Variants in AQP10 observed in about 807,000 individuals in gnomAD.
AQP10 encodes the protein aquaporin-10.
Under a neutral mutation model 21.0 loss-of-function variants are expected in AQP10, and 15 were observed. That is an observed-to-expected ratio of 0.71 (90% confidence interval 0.48 to 1.10). The LOEUF is 1.10. Among genes scored for constraint, AQP10 ranks in the 50% least tolerant of loss-of-function variants. The pLI is 0.00. For missense variants in AQP10, 268 were observed against 379.5 expected (o/e 0.71, Z 2.44); for synonymous variants, 143 against 155.7 (o/e 0.92, Z 0.61).
Position 154,323,470 on chromosome 1 carries a change from C to T in AQP10, c.489+111C>T. 1 of 1,484,616 alleles carries T rather than the reference C, an allele frequency of 6.7e-7. No homozygotes were observed. The highest frequency in any genetic ancestry group is 9.3e-7 in the Non-Finnish European group (1 of 1,080,366). The allele number at this position is 1,484,616 out of a possible 1,614,324, so 92.0% of individuals were successfully genotyped here. ...TGGGTTGGGTCTATCTTGGCACTCC[C>T]CACCATCCCCAACTGCCTGTGTTGC... On this transcript the variant is annotated intron_variant, in intron 4 of 5. Transcript: ENST00000324978. The surrounding 1 kb of genome is among the most constrained non-coding windows in gnomAD (Gnocchi z 4.5).
chr1:154,324,220 C>T (rs1348163209), intron 5 of AQP10, 62 bp from the exon 6 acceptor site: 19 of 1,453,674 alleles, frequency 1.3e-5, no homozygotes, highest in Admixed American at 2.3e-5. Flanking sequence ...GCCCCCCGTC[C>T]TTGGAGAGGG....
In AQP10 at chr1:154,323,753, C is replaced by T. The variant is rs1473197618; in HGVS notation, c.654C>T (p.Asp218=). 1 of 1,614,188 alleles carries T rather than the reference C, an allele frequency of 6.2e-7. No homozygotes were observed. Among genetic ancestry groups the T allele is most frequent in the South Asian group, 1.1e-5 (1 of 91,088 alleles). ...GGATTCCACTCAACCCTGCCCGGGACCTGGGCCCACGTCTCTTCACCTACG... is the reference window on the plus strand; with the variant it reads ...GGATTCCACTCAACCCTGCCCGGGATCTGGGCCCACGTCTCTTCACCTACG... The part of the protein sequence containing the change: ...NCGIPLNPAR[D]LGPRLFTYVA... Residue 218 remains aspartate (D), a synonymous_variant, in exon 5 of 6, where the codon GAC becomes GAT. Coordinates refer to ENST00000324978, the MANE Select transcript of AQP10 (RefSeq NM_080429.3). The surrounding 1 kb of genome is among the most constrained non-coding windows in gnomAD (Gnocchi z 4.5).
In AQP10 at chr1:154,321,941, C is replaced by G. The variant is rs1422512408; in HGVS notation, c.114C>G (p.Thr38=). 1 of 1,612,444 alleles carries G rather than the reference C, an allele frequency of 6.2e-7. No individual in the cohort carries two copies. Among genetic ancestry groups the G allele is most frequent in the Non-Finnish European group, 8.5e-7 (1 of 1,179,654 alleles). The change falls in exon 2 of 6, where the codon ACC becomes ACG. Residue 38 remains threonine, a synonymous_variant. Coordinates refer to ENST00000324978, the MANE Select transcript of AQP10 (RefSeq NM_080429.3). ...FLGVFVLMLL[T]QGAVAQAVTS... Reference sequence around the variant, plus strand: ...TCTCCTCTTCTCAGCAGCTCCTCACCCAAGGAGCTGTGGCCCAGGCTGTCA... The same window carrying G: ...TCTCCTCTTCTCAGCAGCTCCTCACGCAAGGAGCTGTGGCCCAGGCTGTCA...
chr1:154,321,794 T>G, intron 1 of AQP10, 139 bp from the exon 2 acceptor site: 2 of 1,094,024 alleles, frequency 1.8e-6, no homozygotes, highest in South Asian at 3.2e-5. Context: ...TTCTTTTCCC[T>G]TCCCTCCTTC....
intron 2 of AQP10, among the ~76,000 whole-genome samples, chr1:154,322,491 T>TC (rs1553294330): frequency 0.016 from 1,419 of 90,256 alleles, 29 homozygotes; most frequent in African/African-American, 0.058. Context: ...GTCTTCTTCT[T>TC]TTTTTTTTTT....
chr1:154,321,852 G>A (rs556402931), intron 1 of AQP10, 81 bp from the exon 2 acceptor site: 3 of 1,580,686 alleles, frequency 1.9e-6, no homozygotes, highest in Non-Finnish European at 2.6e-6. Context: ...TCATCTCCTT[G>A]GCTGCTCCCC....
intron 2 of AQP10, 33 bp from the exon 3 acceptor site, chr1:154,322,949 T>C: frequency 1.2e-6 from 2 of 1,613,852 alleles, no homozygotes; most frequent in South Asian, 2.2e-5. Flanking sequence ...TGACACTTAA[T>C]AGATGCTCTT....
At position 154,323,390 on chromosome 1, in the gene AQP10, A is replaced by T. The variant is rs1427627614; in HGVS notation, c.489+31A>T. On this transcript the variant is annotated intron_variant, in intron 4 of 5. Transcript: ENST00000324978. This position sits in a 1 kb window ranked among gnomAD's most constrained non-coding sequence, Gnocchi z 4.5. ...TGTGAGGGGGAGACCTGGGGACACT[A>T]CTTTGGTCCTGTTCCTCGGCACCCC... is the stretch of plus-strand genomic sequence containing the variant. 1 of 1,598,628 alleles carries T rather than the reference A, an allele frequency of 6.3e-7. No homozygotes were observed. Among genetic ancestry groups the T allele is most frequent in the Non-Finnish European group, 8.6e-7 (1 of 1,167,294 alleles).
rs781678853 is a variant in AQP10, at chr1:154,322,984, G to A, written c.235G>A (p.Ala79Thr). 6.2e-7 allele frequency: 1 copy of A among 1,614,110 alleles called. No homozygotes were observed. Among genetic ancestry groups the A allele is most frequent in the South Asian group, 1.1e-5 (1 of 91,072 alleles). Residue 79 changes from alanine to threonine, a missense_variant and splice_region_variant, in exon 3 of 6, where the codon GCC becomes ACC. Transcript: ENST00000324978. Reference protein sequence around the residue: ...AIYVGGNVSGAHLNPAFSLAM... With the variant: ...AIYVGGNVSGTHLNPAFSLAM... ...TTTTCTTTCCTTGATACTTGAAGGG[G>A]CCCACCTGAATCCAGCCTTCTCCCT... is the stretch of plus-strand genomic sequence containing the variant.
intron 5 of AQP10, 66 bp from the exon 6 acceptor site, chr1:154,324,216 C>T (rs201637354): frequency 8.4e-6 from 12 of 1,430,074 alleles, no homozygotes; most frequent in African/African-American, 5.7e-5. Flanking sequence ...TACTGCCCCC[C>T]GTCCTTGGAG....
chr1:154,323,385 A>G lies in AQP10; in HGVS notation c.489+26A>G. 1 of 1,602,828 alleles carries G rather than the reference A, an allele frequency of 6.2e-7. No individual in the cohort carries two copies. Reference sequence around the variant, plus strand: ...GTAAGTGTGAGGGGGAGACCTGGGGACACTACTTTGGTCCTGTTCCTCGGC... The same window carrying G: ...GTAAGTGTGAGGGGGAGACCTGGGGGCACTACTTTGGTCCTGTTCCTCGGC... On this transcript the variant is annotated intron_variant, in intron 4 of 5. Coordinates refer to ENST00000324978, the MANE Select transcript of AQP10 (RefSeq NM_080429.3). This position sits in a 1 kb window ranked among gnomAD's most constrained non-coding sequence, Gnocchi z 4.5.
At position 154,324,312 on chromosome 1, in the gene AQP10, G is replaced by A. The variant is rs1227328118; in HGVS notation, c.738G>A (p.Val246=). 10 of 1,569,746 alleles carry A rather than the reference G, an allele frequency of 6.4e-6. No homozygotes were observed. Among genetic ancestry groups the A allele is most frequent in the Non-Finnish European group, 8.6e-6 (10 of 1,163,362 alleles). Residue 246 remains valine (V), a synonymous_variant, in exon 6 of 6, where the codon GTG becomes GTA. Transcript: ENST00000324978. Reference sequence around the variant, plus strand: ...GTAATGGCTGGTGGTGGGTGCCTGTGGTGGCCCCTCTGGTGGGGGCCACCG... The same window carrying A: ...GTAATGGCTGGTGGTGGGTGCCTGTAGTGGCCCCTCTGGTGGGGGCCACCG... ...SAGNGWWWVP[V]VAPLVGATVG... is the part of the protein sequence containing the mutation.
At position 154,324,297 on chromosome 1, in the gene AQP10, G is replaced by C. The variant is rs770423797; in HGVS notation, c.723G>C (p.Trp241Cys). The C allele has an allele frequency of 7.7e-6, 12 of 1,554,788 alleles. No individual in the cohort carries two copies. The highest frequency in any genetic ancestry group is 1.0e-5 in the Non-Finnish European group (12 of 1,156,190). Reference protein sequence around the residue: ...GPEVFSAGNGWWWVPVVAPLV... With the variant: ...GPEVFSAGNGCWWVPVVAPLV... ...TCTTTTGCAGTGCTGGTAATGGCTG[G>C]TGGTGGGTGCCTGTGGTGGCCCCTC... The change falls in exon 6 of 6, where the codon TGG becomes TGC. Residue 241 changes from tryptophan (W) to cysteine (C), a missense_variant. Trp to Cys is a radical substitution (Grantham distance 215). Around this residue, in one of 3 missense-constraint regions of AQP10, gnomAD observed 229 missense variants for 295.1 expected, o/e 0.78. Transcript: ENST00000324978.
rs1685714818 is a variant in AQP10 at position 154,324,363 on chromosome 1, G to T, written c.789G>T (p.Leu263Phe). The T allele has an allele frequency of 6.2e-7, 1 of 1,611,690 alleles. No homozygotes were observed. Among genetic ancestry groups the T allele is most frequent in the Non-Finnish European group, 8.5e-7 (1 of 1,179,354 alleles). Residue 263 changes from leucine to phenylalanine, a missense_variant, in exon 6 of 6, where the codon TTG becomes TTT. Leu to Phe is a conservative substitution (Grantham distance 22). Transcript: ENST00000324978. Reference protein sequence around the residue: ...ATVGTATYQLLVALHHPEGPE... With the variant: ...ATVGTATYQLFVALHHPEGPE... The stretch of plus-strand genomic sequence containing the variant: ...TTGGCACAGCCACTTACCAGCTGTT[G>T]GTGGCTCTGCACCACCCTGAGGGCC...
chr1:154,324,084 A>G, intron 5 of AQP10, 198 bp from the exon 6 acceptor site: 2 of 1,261,404 alleles, frequency 1.6e-6, no homozygotes, highest in Non-Finnish European at 2.1e-6. Flanking sequence ...ATAATTCCCT[A>G]AGGCAAGAGG....
rs1432697161 is a variant in AQP10 at position 154,325,183 on chromosome 1, G to A, written c.*703G>A. The A allele has an allele frequency of 6.6e-6, 1 of 152,226 alleles. No individual in the cohort carries two copies. Among genetic ancestry groups the A allele is most frequent in the East Asian group, 1.9e-4 (1 of 5,180 alleles). The allele number at this position is 152,226 out of a possible 1,614,324, so 9.4% of individuals were successfully genotyped here. ...TCCGAGGAGCGAGAGTCGGGCTGAGGGCAACCTGGCGCCAGGGAAAATTCT... is the reference window on the plus strand; with the variant it reads ...TCCGAGGAGCGAGAGTCGGGCTGAGAGCAACCTGGCGCCAGGGAAAATTCT... On this transcript the variant is annotated 3_prime_UTR_variant, in exon 6 of 6. Transcript: ENST00000324978.
chr1:154,324,472 A>C lies in AQP10; in HGVS notation c.898A>C (p.Lys300Gln), dbSNP rs1685717426. 1.2e-6 allele frequency: 2 copies of C among 1,613,218 alleles called. No individual in the cohort carries two copies. Among genetic ancestry groups the C allele is most frequent in the African/African-American group, 1.3e-5 (1 of 74,902 alleles). ...TGCCTCAGCTCAGATGCTGGAGTGT[A>C]AGCTATGATTAGGACAACCCTCACT... ...TPASAQMLEC[K>Q]L Residue 300 changes from lysine to glutamine, a missense_variant, in exon 6 of 6, where the codon AAG (lysine) becomes CAG (glutamine). Lys to Gln is a moderately conservative substitution (Grantham distance 53). Around this residue, in one of 3 missense-constraint regions of AQP10, gnomAD observed 229 missense variants for 295.1 expected, o/e 0.78. Transcript: ENST00000324978.
At chr1:154,322,922 G>GC in intron 2 of AQP10, 60 bp from the exon 3 acceptor site, 1 of 1,604,834 alleles carries the variant, frequency 6.2e-7, no homozygotes. Flanking sequence ...GTGTTGTCTG[G>GC]TGACAATGCC....
intron 2 of AQP10, 108 bp downstream of exon 2, chr1:154,322,167 C>G (rs1685659759): frequency 6.7e-7 from 1 of 1,502,414 alleles, no homozygotes; most frequent in African/African-American, 1.4e-5. Flanking sequence ...GGACATTATC[C>G]CCTTGAACAG....
Sources: gnomAD v4.1 joint callset for allele counts (sites outside exome capture counted in the v4.1 genomes callset) on GRCh38, gnomAD v4.1.1 for gene constraint, gnomAD v4.1.1 regional missense constraint, Gnocchi (gnomAD v3.1) non-coding constraint, MANE v1.5 for transcripts, NCBI Gene and HGNC (gene_info 2026-07-23, HGNC 2026-07-21) for gene names.